Variants in INTS13 observed in about 807,000 individuals in gnomAD.
INTS13 encodes the protein asunder, spermatogenesis regulator homolog (Drosphila).
In INTS13, 35 loss-of-function variants were observed where a neutral mutation model predicts 90.2. The observed-to-expected ratio is 0.39, with a 90% CI of 0.30 to 0.51. The LOEUF (loss-of-function observed/expected upper bound fraction) is 0.51. Ranked by LOEUF, INTS13 falls within the 20% of genes least tolerant of loss-of-function variation. INTS13 has a pLI of 0.80. For synonymous variants in INTS13, 309 were observed against 277.1 expected, an observed-to-expected ratio of 1.11 and a Z score of -1.14; for missense variants, 601 against 851.2, an observed-to-expected ratio of 0.71 and a Z score of 3.66.
intron 4 of INTS13, 133 bp downstream of exon 4, chr12:26,928,569 GA>G (rs1361796884): frequency 5.9e-5 from 46 of 776,070 alleles, no homozygotes; most frequent in African/African-American, 1.7e-4. Context: ...AAAAAAAAAA[GA>G]AAAAAATCAG....
Position 26,936,690 on chromosome 12 carries a change from G to A in INTS13, c.114C>T (p.Thr38=). The A allele has an allele frequency of 6.2e-7, 1 of 1,613,824 alleles. No homozygotes were observed. Residue 38 remains threonine, a synonymous_variant, in exon 2 of 17, where the codon ACC becomes ACT. Transcript: ENST00000261191. ...TGGGGGCCAAAGGAATGATTCCTTG[G>A]GTTCTATTCTTCACCAGCATATCAA... ...VEFDMLVKNR[T]QGIIPLAPIS...
At chr12:26,917,773 G>T in intron 8 of INTS13, 40 bp from the exon 9 acceptor site, 5 of 1,203,142 alleles carry the variant, frequency 4.2e-6, no homozygotes, top group African/African-American at 1.5e-5. Flanking sequence ...TTGTATACAT[G>T]TATCAAAACA....
At chr12:26,931,612 T>C (rs551341776) in intron 3 of INTS13, among the ~76,000 whole-genome samples, 3 of 152,294 alleles carry the variant, frequency 2.0e-5, no homozygotes, top group South Asian at 4.1e-4. Context: ...TTCACATTCA[T>C]CAGGGAAGGA....
intron 6 of INTS13, among the ~76,000 whole-genome samples, chr12:26,925,215 A>C (rs1422069460): frequency 6.6e-6 from 1 of 152,176 alleles, no homozygotes; most frequent in African/African-American, 2.4e-5. Flanking sequence ...TAAATAATGC[A>C]AAATGAAAAA....
chr12:26,917,717 A>G lies in INTS13; in HGVS notation c.906T>C (p.Gly302=), dbSNP rs1360619357. The part of the protein sequence containing the change: ...DFLKSGDSHL[G]GGSREGSFKE... ...TAAACGAGCCTTCTCGACTGCCGCCACCTAGATGCGAATCACCTTTAAAAA... is the reference window on the plus strand; with the variant it reads ...TAAACGAGCCTTCTCGACTGCCGCCGCCTAGATGCGAATCACCTTTAAAAA... Residue 302 remains glycine (G), a synonymous_variant, in exon 9 of 17, where the codon GGT becomes GGC. Transcript: ENST00000261191. 2 of 1,613,948 alleles carry G rather than the reference A, an allele frequency of 1.2e-6. No homozygotes were observed. Among genetic ancestry groups the G allele is most frequent in the Non-Finnish European group, 1.7e-6 (2 of 1,179,824 alleles).
intron 2 of INTS13, among the ~76,000 whole-genome samples, chr12:26,935,836 G>A (rs1198435738): frequency 3.3e-5 from 5 of 152,110 alleles, no homozygotes; most frequent in Non-Finnish European, 5.9e-5. Context: ...AGGTCCCAGC[G>A]CTTCGAGTAA....
chr12:26,920,176 A>T (rs1174451684), intron 8 of INTS13, among the ~76,000 whole-genome samples: 1 of 151,720 alleles, frequency 6.6e-6, no homozygotes, highest in Admixed American at 6.6e-5. Context: ...GGGCTAAAGT[A>T]TAAGCCTACT....
Position 26,917,399 on chromosome 12 carries a change from T to A in INTS13, c.1022A>T (p.Asp341Val). The A allele has an allele frequency of 6.3e-7, 1 of 1,574,810 alleles. No homozygotes were observed. The highest frequency in any genetic ancestry group is 2.3e-5 in the East Asian group (1 of 44,274). The change falls in exon 10 of 17, where the codon GAT becomes GTT. Residue 341 changes from aspartate (D) to valine (V), a missense_variant. Coordinates refer to ENST00000261191, the MANE Select transcript of INTS13 (RefSeq NM_018164.3). ...GCAGGAGGAAGGTCTACTATTTACA[T>A]CTACAGGTGAAATCCGATAAGCTCC... ...CTGAYRISPVDVNSRPSSCLT... is the reference protein window; with the variant it reads ...CTGAYRISPVVVNSRPSSCLT...
At chr12:26,923,238 T>C (rs1299459087) in intron 7 of INTS13, among the ~76,000 whole-genome samples, 1 of 152,120 alleles carries the variant, frequency 6.6e-6, no homozygotes, top group Non-Finnish European at 1.5e-5. Flanking sequence ...GTCACACCAG[T>C]AGCACACAAA....
chr12:26,907,289 G>T lies in INTS13; in HGVS notation c.1946-852C>A, dbSNP rs189759729. On this transcript the variant is annotated intron_variant, in intron 15 of 16. Transcript: ENST00000261191. ...ACATAAACCAACAGAATATAAAAGA[G>T]AATCCAGAAGCAGATCCCACATACA... Among the ~76,000 whole-genome samples, 277 of 62,424 alleles carry T rather than the reference G, an allele frequency of 4.4e-3. 2 individuals are homozygous for T. The highest frequency in any genetic ancestry group is 8.8e-4 in the Non-Finnish European group (31 of 35,150). The allele number at this position is 62,424 out of a possible 152,430, so 41.0% of individuals were successfully genotyped here. A position where few individuals can be genotyped will look rare whatever the true frequency, so the allele number is the denominator to read the frequency against.
intron 16 of INTS13, among the ~76,000 whole-genome samples, chr12:26,905,864 C>A (rs775177735): frequency 1.3e-5 from 2 of 152,062 alleles, no homozygotes; most frequent in Non-Finnish European, 2.9e-5. Context: ...AATTTATTTC[C>A]TTCCCCACTA....
At chr12:26,935,591 T>G (rs1938417454) in intron 2 of INTS13, among the ~76,000 whole-genome samples, 2 of 152,156 alleles carry the variant, frequency 1.3e-5, no homozygotes, top group Admixed American at 6.5e-5. Flanking sequence ...CTTGGAGAGA[T>G]TAAGAAATAT....
chr12:26,931,208 C>T (rs748958932), intron 3 of INTS13, among the ~76,000 whole-genome samples: 2 of 150,940 alleles, frequency 1.3e-5, no homozygotes, highest in Non-Finnish European at 2.9e-5. Context: ...TTTGGGAGGC[C>T]GAGGCAGGCA....
chr12:26,906,186 G>C, intron 16 of INTS13, 116 bp downstream of exon 16: 1 of 983,698 alleles, frequency 1.0e-6, no homozygotes, highest in Non-Finnish European at 1.5e-6. Flanking sequence ...TGGGGAACAT[G>C]TATTAGTTCA....
chr12:26,911,056 A>C, intron 15 of INTS13, 122 bp downstream of exon 15: 1 of 1,107,092 alleles, frequency 9.0e-7, no homozygotes, highest in Non-Finnish European at 1.3e-6. Flanking sequence ...GCTGGTCTTG[A>C]ATTCCTGACC....
rs1951609466 is a variant in INTS13, at chr12:26,906,341, T to C, written c.2042A>G (p.Asn681Ser). ...EFAGRLNSVN[N>S]RAELYQHLKE... is the part of the protein sequence containing the mutation. ...AAGATGTTGATATAGTTCAGCTCTG[T>C]TATTAACAGAGTTCAAACGTCCAGC... The change falls in exon 16 of 17, where the codon AAC becomes AGC. Residue 681 changes from asparagine (N) to serine (S), a missense_variant. Asn to Ser is a conservative substitution (Grantham distance 46). This residue lies in a region of INTS13 where 228 missense variants were observed against 272.5 expected (regional missense o/e 0.84). Transcript: ENST00000261191. 1 of 1,612,298 alleles carries C rather than the reference T, an allele frequency of 6.2e-7. No homozygotes were observed. Among genetic ancestry groups the C allele is most frequent in the Non-Finnish European group, 8.5e-7 (1 of 1,179,440 alleles).
In INTS13 at chr12:26,911,546, G is replaced by A. The variant is rs574484706; in HGVS notation, c.1806-229C>T. 2.0e-5 allele frequency among the ~76,000 whole-genome samples: 3 copies of A among 151,966 alleles called. No homozygotes were observed. The East Asian group carries it at 5.8e-4, about 29-fold the overall frequency. ...TAATAATGCAATGATTCAGGAATTA[G>A]CTGTAAAATATAAAAAAAAAGAAGA... On this transcript the variant is annotated intron_variant, in intron 14 of 16. Coordinates refer to ENST00000261191, the MANE Select transcript of INTS13 (RefSeq NM_018164.3).
intron 8 of INTS13, 101 bp from the exon 9 acceptor site, chr12:26,917,834 A>ATTG: frequency 1.1e-6 from 1 of 871,350 alleles, no homozygotes; most frequent in Non-Finnish European, 1.8e-6. Context: ...TTAAAAAATA[A>ATTG]TAAAAGCGGC....
chr12:26,928,579 A>T, intron 4 of INTS13, 124 bp downstream of exon 4: 1 of 960,014 alleles, frequency 1.0e-6, no homozygotes, highest in South Asian at 1.8e-5. Context: ...GAAAAAAATC[A>T]GAAAGGCCAC....
Sources: allele counts gnomAD v4.1 joint callset (sites outside exome capture counted in the v4.1 genomes callset), GRCh38; gene constraint gnomAD v4.1.1; regional missense constraint gnomAD v4.1.1; transcripts MANE v1.5; gene names NCBI Gene and HGNC (gene_info 2026-07-23, HGNC 2026-07-21).